Variants in FBXL7 observed in about 807,000 individuals in gnomAD.
The protein encoded by FBXL7 is F-box/LRR-repeat protein 7.
FBXL7 carries 12 observed loss-of-function variants against 38.3 expected under a neutral mutation model. That is an observed-to-expected ratio of 0.31 (90% CI 0.20 to 0.51). The LOEUF (loss-of-function observed/expected upper bound fraction) is 0.51. Ranked by LOEUF, FBXL7 falls within the 20% of genes least tolerant of loss-of-function variation. The pLI is 0.98. For synonymous variants in FBXL7, 297 were observed against 300.9 expected (o/e 0.99, Z 0.13); for missense variants, 567 against 676.4 (o/e 0.84, Z 1.79).
rs146462187 is a variant in FBXL7, at chr5:15,613,620, T to G, written c.38-2363T>G. Among the ~76,000 whole-genome samples, 70 of 152,210 alleles carry G rather than the reference T, an allele frequency of 4.6e-4. 1 individual carries two copies. In the East Asian group the frequency reaches 0.012, roughly 26 times the overall value. On this transcript the variant is annotated intron_variant, in intron 1 of 3. Transcript: ENST00000504595. The stretch of plus-strand genomic sequence containing the variant: ...TTCCTTGGTATTCCCATGGGTAATA[T>G]CACCTGAGCCATTCCCTCCTCAAGT...
At chr5:15,655,150 T>C (rs898907011) in intron 2 of FBXL7, among the ~76,000 whole-genome samples, 6 of 152,186 alleles carry the variant, frequency 3.9e-5, no homozygotes, top group Admixed American at 1.3e-4. Flanking sequence ...GTTGAAGGTA[T>C]GAAAATAAGC....
At chr5:15,739,916 G>A (rs575129137) in intron 2 of FBXL7, among the ~76,000 whole-genome samples, 1 of 152,230 alleles carries the variant, frequency 6.6e-6, no homozygotes, top group Admixed American at 6.5e-5. Context: ...ACCTAGGAGT[G>A]CTGGGTTGTG....
At chr5:15,763,600 G>T (rs992743150) in intron 2 of FBXL7, among the ~76,000 whole-genome samples, 7 of 152,044 alleles carry the variant, frequency 4.6e-5, no homozygotes, top group Non-Finnish European at 8.8e-5. Context: ...TATTACATAG[G>T]TTACATAGAA....
intron 2 of FBXL7, among the ~76,000 whole-genome samples, chr5:15,708,187 C>A (rs903721086): frequency 1.3e-5 from 2 of 152,106 alleles, no homozygotes; most frequent in Non-Finnish European, 2.9e-5. Flanking sequence ...GATTTTTATA[C>A]AAAAAACATA....
At chr5:15,811,284 G>A (rs1346095355) in intron 2 of FBXL7, among the ~76,000 whole-genome samples, 1 of 152,148 alleles carries the variant, frequency 6.6e-6, no homozygotes, top group Non-Finnish European at 1.5e-5. Flanking sequence ...TTTAAACAAT[G>A]GAAATGTATT....
intron 2 of FBXL7, among the ~76,000 whole-genome samples, chr5:15,667,357 A>C (rs2126592304): frequency 6.6e-6 from 1 of 152,336 alleles, no homozygotes; most frequent in South Asian, 2.1e-4. Context: ...AGAAAACACC[A>C]TCAAATAATA....
intron 2 of FBXL7, among the ~76,000 whole-genome samples, chr5:15,740,244 A>G (rs1735859795): frequency 6.6e-6 from 1 of 152,178 alleles, no homozygotes; most frequent in Admixed American, 6.5e-5. Context: ...CTTAACTTCT[A>G]GCCTATGGAA....
intron 2 of FBXL7, among the ~76,000 whole-genome samples, chr5:15,809,653 GAAAA>G (rs201381863): frequency 6.9e-6 from 1 of 144,430 alleles, no homozygotes; most frequent in Non-Finnish European, 1.5e-5. Context: ...TCAATTTAAA[GAAAA>G]AAAAAAGCTT....
At chr5:15,792,470 G>A (rs74521668) in intron 2 of FBXL7, among the ~76,000 whole-genome samples, 3 of 152,132 alleles carry the variant, frequency 2.0e-5, no homozygotes, top group African/African-American at 7.2e-5. Context: ...ATGTCTGAAC[G>A]TCAAGCAGTT....
At position 15,655,023 on chromosome 5, in the gene FBXL7, C is replaced by A. The variant is rs111367477; in HGVS notation, c.127+38951C>A. Among the ~76,000 whole-genome samples, 926 of 152,270 alleles carry A rather than the reference C, an allele frequency of 6.1e-3. 6 individuals are homozygous for A. Among genetic ancestry groups the A allele is most frequent in the African/African-American group, 0.022 (898 of 41,556 alleles). Reference sequence around the variant, plus strand: ...TGGGGATATGGTTAATTTGCCCTGGCATGTACAGAGTCCTAACTTCAGAAA... The same window carrying A: ...TGGGGATATGGTTAATTTGCCCTGGAATGTACAGAGTCCTAACTTCAGAAA... On this transcript the variant is annotated intron_variant, in intron 2 of 3. Transcript: ENST00000504595.
At chr5:15,760,125 C>T (rs1285943528) in intron 2 of FBXL7, among the ~76,000 whole-genome samples, 1 of 151,820 alleles carries the variant, frequency 6.6e-6, no homozygotes, top group East Asian at 1.9e-4. Context: ...AGTCACAAAG[C>T]AGGTTTGAGG....
chr5:15,713,730 A>G (rs1468267805), intron 2 of FBXL7, among the ~76,000 whole-genome samples: 3 of 152,224 alleles, frequency 2.0e-5, no homozygotes, highest in Non-Finnish European at 4.4e-5. Flanking sequence ...CAAATACAAG[A>G]AATTAACATT....
intron 1 of FBXL7, among the ~76,000 whole-genome samples, chr5:15,511,170 A>G (rs1322164715): frequency 6.6e-6 from 1 of 152,250 alleles, no homozygotes; most frequent in Non-Finnish European, 1.5e-5. Context: ...CTTCTGAGGG[A>G]AACTTTTAAC....
intron 2 of FBXL7, among the ~76,000 whole-genome samples, chr5:15,734,031 C>A (rs7713555): frequency 1.3e-5 from 2 of 151,000 alleles, no homozygotes; most frequent in Non-Finnish European, 2.9e-5. Context: ...CTCTTGAACC[C>A]GGGACCCGGG....
intron 2 of FBXL7, among the ~76,000 whole-genome samples, chr5:15,718,976 C>T (rs1348952360): frequency 6.6e-6 from 1 of 152,170 alleles, no homozygotes; most frequent in Non-Finnish European, 1.5e-5. Flanking sequence ...GCCTGTTAAA[C>T]ACAATTGAGA....
chr5:15,807,577 T>C (rs1737747403), intron 2 of FBXL7, among the ~76,000 whole-genome samples: 2 of 152,210 alleles, frequency 1.3e-5, no homozygotes, highest in Non-Finnish European at 2.9e-5. Context: ...TACTAAATAG[T>C]CAGCACTCTT....
intron 2 of FBXL7, among the ~76,000 whole-genome samples, chr5:15,752,949 T>C (rs1311864630): frequency 6.6e-6 from 1 of 152,230 alleles, no homozygotes; most frequent in African/African-American, 2.4e-5. Flanking sequence ...CTTAGTTTAA[T>C]CAATCTTTGT....
At chr5:15,629,487 A>C (rs961728934) in intron 2 of FBXL7, among the ~76,000 whole-genome samples, 1 of 152,204 alleles carries the variant, frequency 6.6e-6, no homozygotes, top group Non-Finnish European at 1.5e-5. Flanking sequence ...ATTGGCTGCA[A>C]GGCTTTCTAC....
In FBXL7 at chr5:15,634,487, A is replaced by G. The variant is rs181503634; in HGVS notation, c.127+18415A>G. ...CAGGTGCCCACCACCATGCCTGGCTAATTTTTGTATTTTTAGTTGGGGGGG... is the reference window on the plus strand; with the variant it reads ...CAGGTGCCCACCACCATGCCTGGCTGATTTTTGTATTTTTAGTTGGGGGGG... On this transcript the variant is annotated intron_variant, in intron 2 of 3. Transcript: ENST00000504595. 3.3e-3 allele frequency among the ~76,000 whole-genome samples: 467 copies of G among 140,932 alleles called. 1 individual carries two copies. Among genetic ancestry groups the G allele is most frequent in the South Asian group, 0.011 (46 of 4,348 alleles). The allele number at this position is 140,932 out of a possible 152,430, so 92.5% of individuals were successfully genotyped here. A position where few individuals can be genotyped will look rare whatever the true frequency, so the allele number is the denominator to read the frequency against.
Sources: allele counts gnomAD v4.1 joint callset (sites outside exome capture counted in the v4.1 genomes callset), GRCh38; gene constraint gnomAD v4.1.1; transcripts MANE v1.5; gene names NCBI Gene and HGNC (gene_info 2026-07-23, HGNC 2026-07-21).